Variants in PDZD2 observed in about 807,000 individuals in gnomAD.
PDZD2 encodes PDZ domain-containing protein 2.
PDZD2 carries 90 observed loss-of-function variants against 220.7 expected under a neutral mutation model. That is an observed-to-expected ratio of 0.41 (90% CI 0.34 to 0.49). PDZD2 has a LOEUF of 0.49. PDZD2 is among the 20% of genes least tolerant of loss of function. The probability of loss-of-function intolerance (pLI) is 0.28; values close to 1 mark genes in which losing one functional copy is unlikely to be tolerated. For synonymous variants in PDZD2, 1,375 were observed against 1,450.5 expected, an observed-to-expected ratio of 0.95 and a Z score of 1.18; for missense variants, 3,174 against 3,608.5, an observed-to-expected ratio of 0.88 and a Z score of 3.08.
At chr5:31,806,941 T>TG (rs1184320415) in intron 2 of PDZD2, among the ~76,000 whole-genome samples, 1 of 151,234 alleles carries the variant, frequency 6.6e-6, no homozygotes, top group Non-Finnish European at 1.5e-5. Context: ...GTTTTTTTTT[T>TG]TTTTTTTTTT....
In PDZD2 at chr5:31,956,463, C is replaced by T. The variant is rs1434025435; in HGVS notation, c.477-26692C>T. On this transcript the variant is annotated intron_variant, in intron 2 of 24. Coordinates refer to ENST00000438447, the MANE Select transcript of PDZD2 (RefSeq NM_178140.4). ...TCGGGAGGCTGAGGCAGGAGAATGG[C>T]GTGAACCCGGGAGACAGAGCTTGCA... Among the ~76,000 whole-genome samples, 6 of 146,898 alleles carry T rather than the reference C, an allele frequency of 4.1e-5. No homozygotes were observed. The East Asian group carries it at 7.9e-4, about 19-fold the overall frequency.
At chr5:31,747,714 G>GT (rs1457343040) in intron 1 of PDZD2, 1 of 152,234 alleles carries the variant, frequency 6.6e-6, no homozygotes, top group Non-Finnish European at 1.5e-5. Context: ...TCCTTGTACC[G>GT]TGCTCAAGGA....
rs935418356 is a variant in PDZD2, at chr5:32,087,015, G to A, written c.3683-116G>A. On this transcript the variant is annotated intron_variant, in intron 19 of 24. Transcript: ENST00000438447. This position sits in a 1 kb window ranked among gnomAD's most constrained non-coding sequence, Gnocchi z 4.0. The stretch of plus-strand genomic sequence containing the variant: ...TCTGAAAAAGAAAAAAATATTTGAG[G>A]TTGTTTATAATTTTCTAGTTTTTAA... The A allele has an allele frequency of 4.5e-6, 3 of 667,176 alleles. No homozygotes were observed. Among genetic ancestry groups the A allele is most frequent in the Non-Finnish European group, 7.8e-6 (3 of 382,368 alleles). The allele number at this position is 667,176 out of a possible 1,614,324, so 41.3% of individuals were successfully genotyped here. A position where few individuals can be genotyped will look rare whatever the true frequency, so the allele number is the denominator to read the frequency against.
At chr5:32,063,101 G>A (rs245149) in intron 14 of PDZD2, among the ~76,000 whole-genome samples, 46,738 of 150,598 alleles carry the variant, frequency 0.31, 7,597 homozygotes, top group East Asian at 0.55. Context: ...CTGGGGTGCA[G>A]TTTCGTGATC....
intron 3 of PDZD2, among the ~76,000 whole-genome samples, chr5:31,984,035 C>T (rs1020970445): frequency 7.2e-5 from 11 of 152,210 alleles, no homozygotes; most frequent in South Asian, 2.1e-4. Flanking sequence ...CCAGTGGAAT[C>T]GCTGCTGCAA....
At chr5:31,728,839 A>G (rs72755447) in intron 1 of PDZD2, among the ~76,000 whole-genome samples, 20,254 of 152,036 alleles carry the variant, frequency 0.13, 1,458 homozygotes, top group East Asian at 0.22. Context: ...TGCAATGTGC[A>G]TCTTGTTTAT....
At chr5:31,795,433 A>G (rs919243430) in intron 1 of PDZD2, among the ~76,000 whole-genome samples, 2 of 152,342 alleles carry the variant, frequency 1.3e-5, no homozygotes, top group Admixed American at 6.5e-5. Flanking sequence ...TTAAATTATC[A>G]CAGCTATTTG....
At chr5:31,765,079 G>GA (rs4049928) in intron 1 of PDZD2, among the ~76,000 whole-genome samples, 96 of 149,050 alleles carry the variant, frequency 6.4e-4, no homozygotes, top group African/African-American at 2.1e-3. Context: ...TGCGTCTCAA[G>GA]AAAAAAAAAA....
chr5:31,903,848 C>T (rs760404745), intron 2 of PDZD2, among the ~76,000 whole-genome samples: 1 of 151,828 alleles, frequency 6.6e-6, no homozygotes, highest in Non-Finnish European at 1.5e-5. Context: ...CTCAGCCTCC[C>T]GAGTAGCTGG....
At chr5:31,995,453 G>T in intron 3 of PDZD2, 123 bp from the exon 4 acceptor site, 2 of 1,003,956 alleles carry the variant, frequency 2.0e-6, no homozygotes, top group Middle Eastern at 3.1e-4. Context: ...TTTCTCCTGT[G>T]ATAATCTGTG....
At chr5:31,647,579 G>C (rs1188558044) in intron 1 of PDZD2, among the ~76,000 whole-genome samples, 1 of 152,126 alleles carries the variant, frequency 6.6e-6, no homozygotes, top group East Asian at 1.9e-4. Flanking sequence ...TCTTCACGTT[G>C]CTTTGTCTGT....
intron 1 of PDZD2, among the ~76,000 whole-genome samples, chr5:31,768,830 A>G (rs1561444674): frequency 6.6e-6 from 1 of 152,114 alleles, no homozygotes; most frequent in Non-Finnish European, 1.5e-5. Flanking sequence ...GATCACATGT[A>G]GGAATAGGGA....
At position 31,767,412 on chromosome 5, in the gene PDZD2, G is replaced by A. The variant is rs938587146; in HGVS notation, c.-360-31477G>A. ...CCTTGAAGAAGACCATGTGGTAGACGGCAGTTCTCAGATGTGTCTGCCAAT... is the reference window on the plus strand; with the variant it reads ...CCTTGAAGAAGACCATGTGGTAGACAGCAGTTCTCAGATGTGTCTGCCAAT... On this transcript the variant is annotated intron_variant, in intron 1 of 24. Transcript: ENST00000438447. Among the ~76,000 whole-genome samples, 6 of 152,212 alleles carry A rather than the reference G, an allele frequency of 3.9e-5. No homozygotes were observed. The East Asian group carries it at 7.7e-4, about 20-fold the overall frequency.
rs1337402642 is a variant in PDZD2 at position 32,058,236 on chromosome 5, C to T, written c.2200+133C>T. The T allele has an allele frequency of 4.7e-6, 3 of 638,648 alleles. No homozygotes were observed. In the African/African-American group the frequency reaches 5.5e-5, roughly 12 times the overall value. 39.6% of individuals were successfully genotyped at this position (638,648 alleles called of 1,614,324 possible). A position where few individuals can be genotyped will look rare whatever the true frequency, so the allele number is the denominator to read the frequency against. On this transcript the variant is annotated intron_variant, in intron 12 of 24. Transcript: ENST00000438447. ...ATCTTCTATCAACAACACGTGGTCT[C>T]TGCATGGGACAGTGAGGTCAGGTAG...
Position 31,863,239 on chromosome 5 carries a change from C to T in PDZD2, c.476+63515C>T, listed in dbSNP as rs903497601. Reference sequence around the variant, plus strand: ...CTTCTCCATCTTCTTGACCCCTAACCTTCTCAGAGGCCCTAATCATCCCAG... The same window carrying T: ...CTTCTCCATCTTCTTGACCCCTAACTTTCTCAGAGGCCCTAATCATCCCAG... On this transcript the variant is annotated intron_variant, in intron 2 of 24. Coordinates refer to ENST00000438447, the MANE Select transcript of PDZD2 (RefSeq NM_178140.4). Among the ~76,000 whole-genome samples, 59 of 152,192 alleles carry T rather than the reference C, an allele frequency of 3.9e-4. 1 individual carries two copies. The highest frequency in any genetic ancestry group is 2.6e-3 in the Admixed American group (40 of 15,276).
At chr5:31,681,085 T>TC (rs1380139908) in intron 1 of PDZD2, among the ~76,000 whole-genome samples, 1 of 152,210 alleles carries the variant, frequency 6.6e-6, no homozygotes, top group African/African-American at 2.4e-5. Flanking sequence ...ATTTTGCTTT[T>TC]TCCATGAATG....
At chr5:32,030,985 T>G (rs1259770739) in intron 6 of PDZD2, among the ~76,000 whole-genome samples, 4 of 152,230 alleles carry the variant, frequency 2.6e-5, no homozygotes, top group African/African-American at 4.8e-5. Context: ...CCTTCAAGTC[T>G]GTCCGCATAT....
At chr5:32,037,972 G>A (rs974542455) in intron 7 of PDZD2, among the ~76,000 whole-genome samples, 2 of 151,610 alleles carry the variant, frequency 1.3e-5, no homozygotes. Context: ...CTCCCGAGTA[G>A]CTGGGATTAC....
intron 1 of PDZD2, among the ~76,000 whole-genome samples, chr5:31,650,857 A>G (rs963955591): frequency 6.6e-6 from 1 of 152,178 alleles, no homozygotes; most frequent in Non-Finnish European, 1.5e-5. Flanking sequence ...TTCCTAGCTG[A>G]TAAGAGCCCT....
Sources: allele counts gnomAD v4.1 joint callset (sites outside exome capture counted in the v4.1 genomes callset), GRCh38; gene constraint gnomAD v4.1.1; non-coding constraint Gnocchi (gnomAD v3.1); transcripts MANE v1.5; gene names NCBI Gene and HGNC (gene_info 2026-07-23, HGNC 2026-07-21).